The following FOSL2 variants were observed in gnomAD, a reference collection of about 807,000 sequenced individuals.
The protein encoded by FOSL2 is fos-related antigen 2.
FOSL2 carries 3 observed loss-of-function variants against 27.7 expected under a neutral mutation model. The observed-to-expected ratio is 0.11, with a 90% confidence interval of 0.05 to 0.28. The LOEUF is 0.28. Ranked by LOEUF, FOSL2 falls within the 10% of genes least tolerant of loss-of-function variation. FOSL2 has a pLI of 1.00. For missense variants in FOSL2, 333 were observed against 445.1 expected (o/e 0.75, Z 2.27); for synonymous variants, 179 against 190.1 (o/e 0.94, Z 0.48).
Position 28,412,557 on chromosome 2 carries a change from C to A in FOSL2, c.*109C>A. On this transcript the variant is annotated 3_prime_UTR_variant, in exon 4 of 4. Transcript: ENST00000264716. The surrounding 1 kb of genome is among the most constrained non-coding windows in gnomAD (Gnocchi z 7.1). ...GCCGTGAGGGCAAGAGGGGGACCTGCCACCAGGGAGCTTCCTGGCTCTGGG... is the reference window on the plus strand; with the variant it reads ...GCCGTGAGGGCAAGAGGGGGACCTGACACCAGGGAGCTTCCTGGCTCTGGG... 1 of 1,321,258 alleles carries A rather than the reference C, an allele frequency of 7.6e-7. No homozygotes were observed. Among genetic ancestry groups the A allele is most frequent in the Non-Finnish European group, 1.0e-6 (1 of 973,466 alleles). 81.8% of individuals were successfully genotyped at this position (1,321,258 alleles called of 1,614,324 possible). A position where few individuals can be genotyped will look rare whatever the true frequency, so the allele number is the denominator to read the frequency against.
rs942023013 is a variant in FOSL2, at chr2:28,404,660, G to A, written c.354+302G>A. On this transcript the variant is annotated intron_variant, in intron 2 of 3. Transcript: ENST00000264716. This position sits in a 1 kb window ranked among gnomAD's most constrained non-coding sequence, Gnocchi z 4.7. ...GGCTACAGATGGGAAGGACCATTAC[G>A]ACCTGCCCACAGCAGGATCCTTCTC... 2.0e-5 allele frequency among the ~76,000 whole-genome samples: 3 copies of A among 152,166 alleles called. No individual in the cohort carries two copies. Among genetic ancestry groups the A allele is most frequent in the Non-Finnish European group, 4.4e-5 (3 of 68,036 alleles).
intron 1 of FOSL2, among the ~76,000 whole-genome samples, chr2:28,403,778 G>T (rs1664021213): frequency 6.6e-6 from 1 of 152,182 alleles, no homozygotes; most frequent in Admixed American, 6.5e-5. Context: ...CTGCCAAGAG[G>T]GCCTGCCGAG....
At chr2:28,406,315 G>A (rs1664081212) in intron 2 of FOSL2, among the ~76,000 whole-genome samples, 2 of 152,142 alleles carry the variant, frequency 1.3e-5, no homozygotes, top group African/African-American at 4.8e-5. Context: ...ACCCGCCTCA[G>A]CTTCTCAAAG....
At chr2:28,399,016 G>A (rs1663917767) in intron 1 of FOSL2, among the ~76,000 whole-genome samples, 1 of 152,164 alleles carries the variant, frequency 6.6e-6, no homozygotes, top group Admixed American at 6.5e-5. Context: ...CTTCTAGGAT[G>A]TTGGAATTGT....
Position 28,393,475 on chromosome 2 carries a change from C to T in FOSL2, c.-246C>T. 1 of 477,214 alleles carries T rather than the reference C, an allele frequency of 2.1e-6. No individual in the cohort carries two copies. The highest frequency in any genetic ancestry group is 3.7e-6 in the Non-Finnish European group (1 of 268,862). 29.6% of individuals were successfully genotyped at this position (477,214 alleles called of 1,614,324 possible). A position where few individuals can be genotyped will look rare whatever the true frequency, so the allele number is the denominator to read the frequency against. ...TTTTTAGAGGGAGGGATCGGGTGGA[C>T]AACTGGTCCCGCGGCGCTCGCAGAG... On this transcript the variant is annotated 5_prime_UTR_variant, in exon 1 of 4. Coordinates refer to ENST00000264716, the MANE Select transcript of FOSL2 (RefSeq NM_005253.4). The surrounding 1 kb of genome is among the most constrained non-coding windows in gnomAD (Gnocchi z 4.6).
chr2:28,392,873 G>T lies in FOSL2; in HGVS notation c.-848G>T. ...TCGTGCCATTGTAGTGACTCATCTC[G>T]GGCAGAGCGCTAGGGCTCCGAGCGA... On this transcript the variant is annotated 5_prime_UTR_variant, in exon 1 of 4. Transcript: ENST00000264716. The T allele has an allele frequency of 1.4e-6, 1 of 715,436 alleles. No individual in the cohort carries two copies. Among genetic ancestry groups the T allele is most frequent in the Non-Finnish European group, 2.6e-6 (1 of 383,820 alleles). 44.3% of individuals were successfully genotyped at this position (715,436 alleles called of 1,614,324 possible).
At position 28,393,000 on chromosome 2, in the gene FOSL2, G is replaced by C. The variant is rs558196496; in HGVS notation, c.-721G>C. On this transcript the variant is annotated 5_prime_UTR_variant, in exon 1 of 4. Transcript: ENST00000264716. ...GCGGCCGGGCGAGGCGGGCCCGTCC[G>C]GGAGCGGGCTCCGGGGAAGGGGTGC... 1.4e-5 allele frequency: 9 copies of C among 637,188 alleles called. No individual in the cohort carries two copies. The African/African-American group carries it at 1.7e-4, about 12-fold the overall frequency. 39.5% of individuals were successfully genotyped at this position (637,188 alleles called of 1,614,324 possible). A position where few individuals can be genotyped will look rare whatever the true frequency, so the allele number is the denominator to read the frequency against.
chr2:28,402,184 G>A (rs1558566692), intron 1 of FOSL2, among the ~76,000 whole-genome samples: 2 of 152,182 alleles, frequency 1.3e-5, no homozygotes, highest in Non-Finnish European at 2.9e-5. Flanking sequence ...AGAATGCATT[G>A]CAATGGGTAA....
intron 2 of FOSL2, among the ~76,000 whole-genome samples, chr2:28,405,940 CT>C (rs1558568138): frequency 6.6e-6 from 1 of 151,970 alleles, no homozygotes; most frequent in Non-Finnish European, 1.5e-5. Flanking sequence ...GAGCTGGACT[CT>C]TCTGGGATAT....
At chr2:28,396,227 C>T (rs750762627) in intron 1 of FOSL2, among the ~76,000 whole-genome samples, 8 of 151,520 alleles carry the variant, frequency 5.3e-5, no homozygotes, top group Admixed American at 3.3e-4. Flanking sequence ...AGAGCTTTCC[C>T]GTCCTCTCTA....
intron 1 of FOSL2, among the ~76,000 whole-genome samples, chr2:28,398,657 A>G (rs981781013): frequency 9.2e-5 from 14 of 152,336 alleles, no homozygotes; most frequent in African/African-American, 3.4e-4. Context: ...GGAGGAGGAT[A>G]GAGTAAGTCT....
chr2:28,405,938 C>T (rs956721558), intron 2 of FOSL2, among the ~76,000 whole-genome samples: 4 of 152,104 alleles, frequency 2.6e-5, no homozygotes, highest in Non-Finnish European at 5.9e-5. Context: ...ATGAGCTGGA[C>T]TCTTCTGGGA....
At chr2:28,394,246 G>C (rs1201104467) in intron 1 of FOSL2, among the ~76,000 whole-genome samples, 3 of 150,036 alleles carry the variant, frequency 2.0e-5, no homozygotes, top group East Asian at 2.0e-4. Flanking sequence ...TATTCCTTCA[G>C]GAAAGCCCTC....
At chr2:28,398,703 G>C (rs1268911763) in intron 1 of FOSL2, among the ~76,000 whole-genome samples, 1 of 152,248 alleles carries the variant, frequency 6.6e-6, no homozygotes, top group Non-Finnish European at 1.5e-5. Flanking sequence ...AGGCTGAAGG[G>C]AGGCGAGTCA....
intron 1 of FOSL2, among the ~76,000 whole-genome samples, chr2:28,403,026 G>T (rs762839022): frequency 6.6e-6 from 1 of 152,304 alleles, no homozygotes; most frequent in East Asian, 1.9e-4. Flanking sequence ...CAGTTTTTAA[G>T]TGGGGAAGAA....
rs1663702141 is a variant in FOSL2 at position 28,392,919 on chromosome 2, G to C, written c.-802G>C. Reference sequence around the variant, plus strand: ...AGCGAACCAGCGAGCGAGCGAACGAGCGGCGCTCGGCGGGGACAGAAAGAG... The same window carrying C: ...AGCGAACCAGCGAGCGAGCGAACGACCGGCGCTCGGCGGGGACAGAAAGAG... On this transcript the variant is annotated 5_prime_UTR_variant, in exon 1 of 4. Coordinates refer to ENST00000264716, the MANE Select transcript of FOSL2 (RefSeq NM_005253.4). 1.4e-6 allele frequency: 1 copy of C among 713,224 alleles called. No individual in the cohort carries two copies. The highest frequency in any genetic ancestry group is 1.8e-5 in the African/African-American group (1 of 57,084). The allele number at this position is 713,224 out of a possible 1,614,324, so 44.2% of individuals were successfully genotyped here.
chr2:28,408,930 C>T lies in FOSL2; in HGVS notation c.462+64C>T. Reference sequence around the variant, plus strand: ...GGCTGGAGTGAGAGCCCCGGGGGTCCTGATCCTCTCTCCCACAGCTGTCTC... The same window carrying T: ...GGCTGGAGTGAGAGCCCCGGGGGTCTTGATCCTCTCTCCCACAGCTGTCTC... On this transcript the variant is annotated intron_variant, in intron 3 of 3. Transcript: ENST00000264716. This position sits in a 1 kb window ranked among gnomAD's most constrained non-coding sequence, Gnocchi z 4.1. 9.2e-7 allele frequency: 1 copy of T among 1,085,272 alleles called. No homozygotes were observed. Among genetic ancestry groups the T allele is most frequent in the Non-Finnish European group, 1.3e-6 (1 of 752,494 alleles). 67.2% of individuals were successfully genotyped at this position (1,085,272 alleles called of 1,614,324 possible).
Position 28,408,925 on chromosome 2 carries a change from GGGTCC to G in FOSL2, c.462+60_462+64del. On this transcript the variant is annotated intron_variant, in intron 3 of 3. Transcript: ENST00000264716. The surrounding 1 kb of genome is among the most constrained non-coding windows in gnomAD (Gnocchi z 4.1). ...GGGTGGGCTGGAGTGAGAGCCCCGGGGGTCCTGATCCTCTCTCCCACAGCTGTCTC... is the reference window on the plus strand; with the variant it reads ...GGGTGGGCTGGAGTGAGAGCCCCGGGTGATCCTCTCTCCCACAGCTGTCTC... The G allele has an allele frequency of 8.3e-7, 1 of 1,207,068 alleles. No homozygotes were observed. The highest frequency in any genetic ancestry group is 1.2e-6 in the Non-Finnish European group (1 of 856,316). 74.8% of individuals were successfully genotyped at this position (1,207,068 alleles called of 1,614,324 possible). A position where few individuals can be genotyped will look rare whatever the true frequency, so the allele number is the denominator to read the frequency against.
Position 28,393,856 on chromosome 2 carries a change from G to A in FOSL2, c.102+34G>A. 1.4e-6 allele frequency: 2 copies of A among 1,467,490 alleles called. No homozygotes were observed. Among genetic ancestry groups the A allele is most frequent in the South Asian group, 2.4e-5 (2 of 83,504 alleles). The allele number at this position is 1,467,490 out of a possible 1,614,324, so 90.9% of individuals were successfully genotyped here. On this transcript the variant is annotated intron_variant, in intron 1 of 3. Transcript: ENST00000264716. This position sits in a 1 kb window ranked among gnomAD's most constrained non-coding sequence, Gnocchi z 4.6. ...GGGCCCCGGTGCACCTGGCGGCGCG[G>A]GCGGACCCCTGCCCTCTTCTCGCCG...
Sources: gnomAD v4.1 joint callset for allele counts (sites outside exome capture counted in the v4.1 genomes callset) on GRCh38, gnomAD v4.1.1 for gene constraint, Gnocchi (gnomAD v3.1) non-coding constraint, MANE v1.5 for transcripts, NCBI Gene and HGNC (gene_info 2026-07-23, HGNC 2026-07-21) for gene names.